EFCAB13: variants seen among roughly 807,000 people sequenced by gnomAD.
The protein encoded by EFCAB13 is EF-hand calcium-binding domain-containing protein 13.
EFCAB13 carries 91 observed loss-of-function variants against 110.2 expected under a neutral mutation model. The observed-to-expected ratio is 0.83, with a 90% CI of 0.70 to 0.98. The LOEUF is 0.98. EFCAB13 is among the 50% of genes least tolerant of loss of function. EFCAB13 has a pLI of 0.00. For synonymous variants in EFCAB13, 323 were observed against 369.9 expected, an observed-to-expected ratio of 0.87 and a Z score of 1.45; for missense variants, 968 against 1,119.4, an observed-to-expected ratio of 0.86 and a Z score of 1.93.
At position 47,397,987 on chromosome 17, in the gene EFCAB13, G is replaced by A. The variant is rs556567994; in HGVS notation, c.1945+2010G>A. Among the ~76,000 whole-genome samples the A allele has an allele frequency of 1.2e-4, 18 of 146,090 alleles. 1 individual carries two copies. The highest frequency in any genetic ancestry group is 2.7e-4 in the Admixed American group (4 of 14,850). ...AGGTGGGGGGGTCAGCCCCCCGCCCGGCCAGCCGCCCCGTCCGGGAGGGAG... is the reference window on the plus strand; with the variant it reads ...AGGTGGGGGGGTCAGCCCCCCGCCCAGCCAGCCGCCCCGTCCGGGAGGGAG... On this transcript the variant is annotated intron_variant, in intron 17 of 24. Coordinates refer to ENST00000331493, the MANE Select transcript of EFCAB13 (RefSeq NM_152347.5).
chr17:47,408,376 G>A (rs1483970073), intron 20 of EFCAB13, among the ~76,000 whole-genome samples: 1 of 152,136 alleles, frequency 6.6e-6, no homozygotes, highest in Non-Finnish European at 1.5e-5. Flanking sequence ...TCAGGCTGGG[G>A]GAAGTGGCTC....
chr17:47,395,993 A>G lies in EFCAB13; in HGVS notation c.1945+16A>G. 6.3e-7 allele frequency: 1 copy of G among 1,575,952 alleles called. No homozygotes were observed. Among genetic ancestry groups the G allele is most frequent in the East Asian group, 2.2e-5 (1 of 44,542 alleles). ...ACAGTTGATGGTGAGTGTTACAAAT[A>G]CTAAAATTAAAAAGTATACCAAGAT... On this transcript the variant is annotated intron_variant, in intron 17 of 24. Transcript: ENST00000331493.
At chr17:47,422,274 C>T (rs906429239) in intron 23 of EFCAB13, among the ~76,000 whole-genome samples, 7 of 152,196 alleles carry the variant, frequency 4.6e-5, no homozygotes, top group African/African-American at 1.7e-4. Context: ...CAGAAACCTA[C>T]AACAATCATG....
intron 9 of EFCAB13, among the ~76,000 whole-genome samples, chr17:47,348,287 A>C (rs1184446787): frequency 6.6e-6 from 1 of 151,670 alleles, no homozygotes; most frequent in Non-Finnish European, 1.5e-5. Context: ...CCAAAATAAA[A>C]AGTAGGACCT....
At chr17:47,414,702 A>G in intron 22 of EFCAB13, 146 bp from the exon 23 acceptor site, 1 of 640,688 alleles carries the variant, frequency 1.6e-6, no homozygotes, top group South Asian at 1.8e-5. Flanking sequence ...AAGTGTTAAA[A>G]GTTCTATTGA....
chr17:47,367,121 A>G (rs1225974151), intron 10 of EFCAB13, among the ~76,000 whole-genome samples: 1 of 152,238 alleles, frequency 6.6e-6, no homozygotes, highest in Non-Finnish European at 1.5e-5. Context: ...TGTTAGAACT[A>G]TAATCAAAAC....
At position 47,391,683 on chromosome 17, in the gene EFCAB13, GTTAAAA is replaced by G. The variant is rs892106487; in HGVS notation, c.1726+109_1726+114del. 67 of 1,073,572 alleles carry G rather than the reference GTTAAAA, an allele frequency of 6.2e-5. 1 individual carries two copies. The South Asian group carries it at 6.6e-4, about 11-fold the overall frequency. 66.5% of individuals were successfully genotyped at this position (1,073,572 alleles called of 1,614,324 possible). ...ATGACTAATTTTTTTATTATAAAAA[GTTAAAA>G]TTAAACTAATACAAAAAGTATGGAA... On this transcript the variant is annotated intron_variant, in intron 15 of 24. Coordinates refer to ENST00000331493, the MANE Select transcript of EFCAB13 (RefSeq NM_152347.5).
At chr17:47,399,548 A>T (rs1183449185) in intron 17 of EFCAB13, among the ~76,000 whole-genome samples, 1 of 152,048 alleles carries the variant, frequency 6.6e-6, no homozygotes, top group Admixed American at 6.5e-5. Context: ...TGACCAAGTG[A>T]ACTGCTGAAA....
chr17:47,363,518 C>T (rs2065528463), intron 10 of EFCAB13, among the ~76,000 whole-genome samples: 1 of 148,616 alleles, frequency 6.7e-6, no homozygotes, highest in Admixed American at 6.7e-5. Context: ...GTCAAGTAAA[C>T]CGAAAATTAA....
intron 5 of EFCAB13, chr17:47,339,718 T>C (rs1598721415): frequency 7.2e-6 from 1 of 138,466 alleles, no homozygotes; most frequent in East Asian, 2.3e-4. Flanking sequence ...AAAAAAAAGG[T>C]TTTTGACAGT....
At position 47,341,743 on chromosome 17, in the gene EFCAB13, A is replaced by G. The variant is rs72825648; in HGVS notation, c.192-178A>G. 0.079 allele frequency among the ~76,000 whole-genome samples: 12,016 copies of G among 152,262 alleles called. 581 individuals are homozygous for G. Among genetic ancestry groups the G allele is most frequent in the African/African-American group, 0.12 (5,034 of 41,530 alleles). On this transcript the variant is annotated intron_variant, in intron 5 of 24. Coordinates refer to ENST00000331493, the MANE Select transcript of EFCAB13 (RefSeq NM_152347.5). Reference sequence around the variant, plus strand: ...AAATAATATACTGTGATTTATTTCAAAAATAATAAGGGATGGGAACAGGGA... The same window carrying G: ...AAATAATATACTGTGATTTATTTCAGAAATAATAAGGGATGGGAACAGGGA...
chr17:47,394,638 G>A (rs959331949), intron 16 of EFCAB13, among the ~76,000 whole-genome samples: 5 of 152,190 alleles, frequency 3.3e-5, no homozygotes, highest in African/African-American at 4.8e-5. Context: ...TTAATGGAGT[G>A]AAGTTAGTAT....
intron 3 of EFCAB13, among the ~76,000 whole-genome samples, chr17:47,327,750 C>A (rs903802136): frequency 6.6e-6 from 1 of 152,062 alleles, no homozygotes; most frequent in East Asian, 1.9e-4. Context: ...CCACTGCGCC[C>A]GGCCTACACC....
intron 14 of EFCAB13, among the ~76,000 whole-genome samples, chr17:47,389,851 C>T (rs2143406213): frequency 6.6e-6 from 1 of 152,172 alleles, no homozygotes; most frequent in African/African-American, 2.4e-5. Flanking sequence ...GCTGTTTCTA[C>T]CTGTAAAATT....
rs1369121508 is a variant in EFCAB13 at position 47,389,168 on chromosome 17, G to A, written c.1583-2269G>A. Among the ~76,000 whole-genome samples the A allele has an allele frequency of 5.3e-5, 8 of 152,078 alleles. No individual in the cohort carries two copies. In the South Asian group the frequency reaches 1.5e-3, roughly 28 times the overall value. Reference sequence around the variant, plus strand: ...CCACCTCAGCTTCCCAAGTAGCTGGGATCACAGGCACATGCCACTCAGCCC... The same window carrying A: ...CCACCTCAGCTTCCCAAGTAGCTGGAATCACAGGCACATGCCACTCAGCCC... On this transcript the variant is annotated intron_variant, in intron 14 of 24. Transcript: ENST00000331493.
intron 9 of EFCAB13, among the ~76,000 whole-genome samples, chr17:47,351,019 T>G (rs1222901531): frequency 3.9e-5 from 6 of 152,086 alleles, no homozygotes; most frequent in African/African-American, 1.4e-4. Flanking sequence ...ATTCGAATAG[T>G]TATATATTTT....
In EFCAB13 at chr17:47,391,840, T is replaced by C. The variant is rs572343590; in HGVS notation, c.1726+260T>C. Among the ~76,000 whole-genome samples, 306 of 152,190 alleles carry C rather than the reference T, an allele frequency of 2.0e-3. 2 individuals are homozygous for C. Among genetic ancestry groups the C allele is most frequent in the African/African-American group, 7.3e-3 (302 of 41,550 alleles). ...TAAATAATCTTTTCAAGATTTTTTT[T>C]CCTAGGCAAAAATGCAGACAAAAAG... On this transcript the variant is annotated intron_variant, in intron 15 of 24. Transcript: ENST00000331493.
At position 47,409,645 on chromosome 17, in the gene EFCAB13, A is replaced by G. The variant is rs1234199090; in HGVS notation, c.2234-2A>G. 1 of 1,609,986 alleles carries G rather than the reference A, an allele frequency of 6.2e-7. No homozygotes were observed. Among genetic ancestry groups the G allele is most frequent in the Non-Finnish European group, 8.5e-7 (1 of 1,176,488 alleles). ...GTGTAATGTCTCTCTCTAAATTTGC[A>G]GATTTCAGGAAAGAGGCTTCAAATC... is the stretch of plus-strand genomic sequence containing the variant. On this transcript the variant is annotated splice_acceptor_variant, in intron 20 of 24. Transcript: ENST00000331493. LOFTEE classifies it high-confidence loss of function.
chr17:47,337,773 T>C (rs571588689), intron 5 of EFCAB13, among the ~76,000 whole-genome samples: 1 of 152,302 alleles, frequency 6.6e-6, no homozygotes, highest in East Asian at 1.9e-4. Context: ...ATTACAAAAG[T>C]TGTTTTTCAG....
Sources: allele counts gnomAD v4.1 joint callset (sites outside exome capture counted in the v4.1 genomes callset), GRCh38; gene constraint gnomAD v4.1.1; transcripts MANE v1.5; gene names NCBI Gene and HGNC (gene_info 2026-07-23, HGNC 2026-07-21).